Variants in MKLN1 observed in about 807,000 individuals in gnomAD.
The protein encoded by MKLN1 is muskelin 1.
MKLN1 carries 18 observed loss-of-function variants against 99.0 expected under a neutral mutation model. The observed-to-expected ratio is 0.18, with a 90% CI of 0.13 to 0.27. MKLN1 has a LOEUF of 0.27. Ranked by LOEUF, MKLN1 falls within the 10% of genes least tolerant of loss-of-function variation. The probability of loss-of-function intolerance (pLI) is 1.00; values close to 1 mark genes in which losing one functional copy is unlikely to be tolerated. For missense variants in MKLN1, 621 were observed against 875.9 expected (o/e 0.71, Z 3.67); for synonymous variants, 288 against 293.2 (o/e 0.98, Z 0.18).
intron 2 of MKLN1, among the ~76,000 whole-genome samples, chr7:131,177,422 T>C (rs1212005592): frequency 2.0e-5 from 3 of 150,856 alleles, no homozygotes; most frequent in African/African-American, 7.3e-5. Flanking sequence ...TGAGCCAAGA[T>C]TGTGCCACTG....
chr7:131,334,901 G>C (rs900099255), intron 1 of MKLN1, among the ~76,000 whole-genome samples: 2 of 152,118 alleles, frequency 1.3e-5, no homozygotes, highest in Admixed American at 6.5e-5. Flanking sequence ...ATTACTGTTT[G>C]TTTATAATAC....
chr7:131,265,688 T>TTC (rs1797797908), intron 3 of MKLN1, among the ~76,000 whole-genome samples: 1 of 152,214 alleles, frequency 6.6e-6, no homozygotes, highest in Non-Finnish European at 1.5e-5. Flanking sequence ...GCTCTCCTAG[T>TTC]TCTACAGGAT....
At chr7:131,396,426 T>A (rs1043467034) in intron 4 of MKLN1, among the ~76,000 whole-genome samples, 2 of 152,196 alleles carry the variant, frequency 1.3e-5, no homozygotes, top group Non-Finnish European at 2.9e-5. Flanking sequence ...TTCGTTTTTC[T>A]TAATTTGTTT....
chr7:131,463,184 T>C lies in MKLN1; in HGVS notation c.1526-33T>C, dbSNP rs550651230. On this transcript the variant is annotated intron_variant, in intron 12 of 17. Coordinates refer to ENST00000352689, the MANE Select transcript of MKLN1 (RefSeq NM_013255.5). ...GAAATACTAATCTATCTAATGTGAATATTTTCATCTTATTTTTTTCTTTAA... is the reference window on the plus strand; with the variant it reads ...GAAATACTAATCTATCTAATGTGAACATTTTCATCTTATTTTTTTCTTTAA... The C allele has an allele frequency of 3.3e-6, 5 of 1,527,260 alleles. No homozygotes were observed. In the African/African-American group the frequency reaches 6.9e-5, roughly 21 times the overall value. 94.6% of individuals were successfully genotyped at this position (1,527,260 alleles called of 1,614,324 possible). A position where few individuals can be genotyped will look rare whatever the true frequency, so the allele number is the denominator to read the frequency against.
In MKLN1 at chr7:131,286,833, C is replaced by T. The variant is rs181676338; in HGVS notation, c.-179+83859C>T. ...AAAAGGAGCCCCAATGGGCCAGGCA[C>T]GGTGGCTCACACCTGTAATCCCAGC... On this transcript the variant is annotated intron_variant, in intron 3 of 7. Transcript: ENST00000416992. Among the ~76,000 whole-genome samples the T allele has an allele frequency of 1.5e-3, 230 of 152,326 alleles. 2 individuals carry two copies. The highest frequency in any genetic ancestry group is 5.1e-3 in the African/African-American group (212 of 41,580).
chr7:131,201,703 C>T (rs2116409272), intron 2 of MKLN1, among the ~76,000 whole-genome samples: 1 of 152,302 alleles, frequency 6.6e-6, no homozygotes, highest in Non-Finnish European at 1.5e-5. Context: ...AGACACAACA[C>T]TAATCATTTT....
At chr7:131,435,449 AC>A (rs1262058220) in intron 9 of MKLN1, among the ~76,000 whole-genome samples, 2 of 152,142 alleles carry the variant, frequency 1.3e-5, no homozygotes, top group African/African-American at 4.8e-5. Context: ...ATGTGGATAA[AC>A]AGTAGAGTTT....
chr7:131,332,215 C>A (rs1407310714), intron 1 of MKLN1, among the ~76,000 whole-genome samples: 1 of 151,430 alleles, frequency 6.6e-6, no homozygotes, highest in African/African-American at 2.4e-5. Flanking sequence ...GCAGGACCAT[C>A]ACTTGAGACC....
chr7:131,249,695 G>A (rs1239870028), intron 3 of MKLN1, among the ~76,000 whole-genome samples: 1 of 152,190 alleles, frequency 6.6e-6, no homozygotes, highest in African/African-American at 2.4e-5. Context: ...AGAAAGGGAG[G>A]AGAAAGGGCC....
chr7:131,254,547 A>G (rs1314127300), intron 3 of MKLN1, among the ~76,000 whole-genome samples: 1 of 152,198 alleles, frequency 6.6e-6, no homozygotes, highest in East Asian at 1.9e-4. Context: ...AAGTAAAGGA[A>G]GGGATGATGA....
chr7:131,347,630 A>G (rs1254842181), intron 1 of MKLN1, among the ~76,000 whole-genome samples: 1 of 152,180 alleles, frequency 6.6e-6, no homozygotes, highest in Non-Finnish European at 1.5e-5. Flanking sequence ...GGAGACAAAA[A>G]GAGTGAATTT....
chr7:131,264,085 A>G (rs765788354), intron 3 of MKLN1, among the ~76,000 whole-genome samples: 1 of 152,178 alleles, frequency 6.6e-6, no homozygotes, highest in Non-Finnish European at 1.5e-5. Flanking sequence ...TATGAGGTCT[A>G]GCAGAGACTG....
intron 9 of MKLN1, 76 bp downstream of exon 9, chr7:131,429,221 A>T: frequency 1.3e-5 from 12 of 949,942 alleles, no homozygotes; most frequent in Non-Finnish European, 1.9e-5. Context: ...GCATGATTAT[A>T]TTCTTCACTA....
chr7:131,163,773 T>G (rs1279303325), intron 2 of MKLN1, among the ~76,000 whole-genome samples: 1 of 152,242 alleles, frequency 6.6e-6, no homozygotes, highest in African/African-American at 2.4e-5. Context: ...CGCTCACAAG[T>G]AACTCTCGTG....
chr7:131,335,588 C>T (rs1409729171), intron 1 of MKLN1, among the ~76,000 whole-genome samples: 10 of 151,952 alleles, frequency 6.6e-5, no homozygotes, highest in Non-Finnish European at 1.5e-4. Context: ...GGTTTCCTCT[C>T]AACACATTTT....
intron 17 of MKLN1, among the ~76,000 whole-genome samples, chr7:131,484,772 G>A (rs1797227558): frequency 6.6e-6 from 1 of 152,078 alleles, no homozygotes; most frequent in African/African-American, 2.4e-5. Flanking sequence ...GAAATGTTGA[G>A]TTTGGTTGGT....
chr7:131,383,301 A>G (rs1387387074), intron 2 of MKLN1, among the ~76,000 whole-genome samples: 5 of 152,192 alleles, frequency 3.3e-5, no homozygotes, highest in African/African-American at 9.7e-5. Context: ...AAAGTCTAAG[A>G]AAGTGATATT....
chr7:131,296,412 T>C (rs1798292431), intron 3 of MKLN1, among the ~76,000 whole-genome samples: 1 of 152,226 alleles, frequency 6.6e-6, no homozygotes, highest in Non-Finnish European at 1.5e-5. Context: ...GTCTATTTTA[T>C]ATATCTTAAT....
intron 1 of MKLN1, among the ~76,000 whole-genome samples, chr7:131,114,760 A>G (rs1795248902): frequency 6.6e-6 from 1 of 152,134 alleles, no homozygotes; most frequent in African/African-American, 2.4e-5. Flanking sequence ...AGCCTGGCCA[A>G]TATGGCAAAA....
Sources: gnomAD v4.1 joint callset for allele counts (sites outside exome capture counted in the v4.1 genomes callset) on GRCh38, gnomAD v4.1.1 for gene constraint, MANE v1.5 for transcripts, NCBI Gene and HGNC (gene_info 2026-07-23, HGNC 2026-07-21) for gene names.